Variants in KCNQ3 observed in about 807,000 individuals in gnomAD.
KCNQ3 encodes the protein potassium voltage-gated channel subfamily KQT member 3.
In KCNQ3, 30 loss-of-function variants were observed where a neutral mutation model predicts 92.5. The ratio of observed to expected loss-of-function variants is 0.32; its 90% confidence interval spans 0.24 to 0.44. The LOEUF is 0.44. KCNQ3 is among the 20% of genes least tolerant of loss of function. The pLI is 1.00. For synonymous variants in KCNQ3, 450 were observed against 468.8 expected (o/e 0.96, Z 0.52); for missense variants, 913 against 1,140.3 (o/e 0.80, Z 2.87).
chr8:132,478,168 T>A (rs1410829240), intron 1 of KCNQ3, among the ~76,000 whole-genome samples: 1 of 152,194 alleles, frequency 6.6e-6, no homozygotes. Context: ...GGAAACAGGC[T>A]CCAGGTTTTG....
At chr8:132,306,506 C>T (rs1031135228) in intron 1 of KCNQ3, among the ~76,000 whole-genome samples, 1 of 152,202 alleles carries the variant, frequency 6.6e-6, no homozygotes, top group African/African-American at 2.4e-5. Context: ...GGGTGCCACC[C>T]GGAAACCTCA....
intron 1 of KCNQ3, among the ~76,000 whole-genome samples, chr8:132,331,652 T>C (rs1414083840): frequency 1.3e-5 from 2 of 152,174 alleles, no homozygotes; most frequent in Non-Finnish European, 2.9e-5. Context: ...GCACCCACCG[T>C]ACTGAAGGAC....
chr8:132,201,774 T>C (rs752128345), intron 1 of KCNQ3, among the ~76,000 whole-genome samples: 3 of 152,084 alleles, frequency 2.0e-5, no homozygotes, highest in African/African-American at 4.8e-5. Context: ...TAGAGTTGCA[T>C]GTGGGTGGTC....
intron 1 of KCNQ3, among the ~76,000 whole-genome samples, chr8:132,284,651 A>T (rs529619108): frequency 6.6e-6 from 1 of 152,218 alleles, no homozygotes; most frequent in Non-Finnish European, 1.5e-5. Flanking sequence ...GTATCTTTCC[A>T]AGGAAAAGAA....
At chr8:132,280,860 A>G (rs1190047710) in intron 1 of KCNQ3, among the ~76,000 whole-genome samples, 2 of 152,114 alleles carry the variant, frequency 1.3e-5, no homozygotes, top group East Asian at 3.9e-4. Context: ...GGCAGAGAAC[A>G]TGGTAGGAAC....
At chr8:132,249,472 C>CTGA (rs1211950031) in intron 1 of KCNQ3, among the ~76,000 whole-genome samples, 2 of 149,292 alleles carry the variant, frequency 1.3e-5, no homozygotes, top group African/African-American at 5.2e-5. Context: ...ACACAGGGTG[C>CTGA]TGATTGGTGT....
chr8:132,335,141 A>C (rs946251586), intron 1 of KCNQ3, among the ~76,000 whole-genome samples: 3 of 151,792 alleles, frequency 2.0e-5, no homozygotes, highest in African/African-American at 4.8e-5. Flanking sequence ...CCCGGGTTCA[A>C]GTGATTCTCC....
chr8:132,213,225 G>A (rs1439218384), intron 1 of KCNQ3, among the ~76,000 whole-genome samples: 1 of 152,090 alleles, frequency 6.6e-6, no homozygotes, highest in Admixed American at 6.6e-5. Flanking sequence ...TGGAAACTCA[G>A]TTCTGCCACC....
chr8:132,184,809 G>A (rs1286701263), intron 2 of KCNQ3, among the ~76,000 whole-genome samples: 2 of 152,122 alleles, frequency 1.3e-5, no homozygotes, highest in African/African-American at 4.8e-5. Context: ...ATTAAGCCTG[G>A]CTCCTGGGCC....
chr8:132,238,169 G>C (rs1360503563), intron 1 of KCNQ3, among the ~76,000 whole-genome samples: 1 of 152,112 alleles, frequency 6.6e-6, no homozygotes, highest in Non-Finnish European at 1.5e-5. Flanking sequence ...CACTAAATTA[G>C]GGAAGCTAAG....
intron 1 of KCNQ3, among the ~76,000 whole-genome samples, chr8:132,226,085 C>A (rs566330246): frequency 6.6e-6 from 1 of 152,068 alleles, no homozygotes; most frequent in South Asian, 2.1e-4. Context: ...TCCTGGCTAA[C>A]GTGGCGAAAC....
intron 1 of KCNQ3, among the ~76,000 whole-genome samples, chr8:132,327,988 A>G (rs1818109719): frequency 6.6e-6 from 1 of 152,098 alleles, no homozygotes; most frequent in African/African-American, 2.4e-5. Context: ...ACTCTATCCC[A>G]CAACCACTAT....
At chr8:132,158,179 A>G (rs1825866530) in intron 9 of KCNQ3, among the ~76,000 whole-genome samples, 1 of 152,142 alleles carries the variant, frequency 6.6e-6, no homozygotes, top group South Asian at 2.1e-4. Context: ...ACTAATAGCT[A>G]TGGGGTTGTG....
At chr8:132,319,768 G>A (rs762251700) in intron 1 of KCNQ3, among the ~76,000 whole-genome samples, 6 of 152,200 alleles carry the variant, frequency 3.9e-5, no homozygotes, top group Non-Finnish European at 5.9e-5. Flanking sequence ...GCTTTCCATC[G>A]CTCTAATAGT....
intron 1 of KCNQ3, among the ~76,000 whole-genome samples, chr8:132,432,014 C>T (rs1431334824): frequency 1.3e-5 from 2 of 152,222 alleles, no homozygotes; most frequent in Non-Finnish European, 2.9e-5. Flanking sequence ...TAAAGCACAT[C>T]TCCCTCAGAG....
intron 1 of KCNQ3, chr8:132,186,462 ATC>A (rs1243427021): frequency 7.3e-5 from 30 of 408,464 alleles, no homozygotes; most frequent in Non-Finnish European, 4.7e-6. Flanking sequence ...AAACTAGATC[ATC>A]TGGTTCCAAC....
chr8:132,347,380 T>G (rs1818721362), intron 1 of KCNQ3, among the ~76,000 whole-genome samples: 1 of 152,216 alleles, frequency 6.6e-6, no homozygotes. Context: ...AACACTGCAT[T>G]TGCTTACTTT....
At chr8:132,299,794 G>A (rs556412995) in intron 1 of KCNQ3, among the ~76,000 whole-genome samples, 2 of 70,110 alleles carry the variant, frequency 2.9e-5, no homozygotes, top group Non-Finnish European at 3.2e-5. Flanking sequence ...TCTGAGGGCG[G>A]TATTTTCCTG....
intron 1 of KCNQ3, among the ~76,000 whole-genome samples, chr8:132,387,539 CTGAT>C (rs1365007211): frequency 3.9e-5 from 6 of 152,050 alleles, no homozygotes; most frequent in Non-Finnish European, 7.4e-5. Context: ...AAATAGAAGA[CTGAT>C]AGAGGAGATT....
Sources: allele counts gnomAD v4.1 joint callset (sites outside exome capture counted in the v4.1 genomes callset), GRCh38; gene constraint gnomAD v4.1.1; transcripts MANE v1.5; gene names NCBI Gene and HGNC (gene_info 2026-07-23, HGNC 2026-07-21).